Variants in GRAMD1B observed in about 807,000 individuals in gnomAD.
GRAMD1B encodes protein Aster-B.
In GRAMD1B, 37 loss-of-function variants were observed where a neutral mutation model predicts 99.7. That is an observed-to-expected ratio of 0.37 (90% CI 0.29 to 0.49). The LOEUF is 0.49. Among genes scored for constraint, GRAMD1B ranks in the 20% least tolerant of loss-of-function variants. The probability of loss-of-function intolerance (pLI) is 0.98; values close to 1 mark genes in which losing one functional copy is unlikely to be tolerated. For synonymous variants in GRAMD1B, 427 were observed against 387.6 expected (o/e 1.10, Z -1.19); for missense variants, 888 against 1,009.2 (o/e 0.88, Z 1.63).
intron 1 of GRAMD1B, among the ~76,000 whole-genome samples, chr11:123,364,378 G>T (rs1427708863): frequency 1.3e-5 from 2 of 152,250 alleles, no homozygotes; most frequent in Admixed American, 6.5e-5. Context: ...CGCAGGGAGC[G>T]ATTGAGAGCA....
At position 123,623,472 on chromosome 11, in the gene GRAMD1B, G is replaced by T. The variant is rs928999776; in HGVS notation, c.*877G>T. On this transcript the variant is annotated 3_prime_UTR_variant, in exon 20 of 20. Transcript: ENST00000635736. ...TCGACCTTATTAAACCTCTTTTAGTGCTTCTAAGCAAGTCAGGTCTGTGGC... is the reference window on the plus strand; with the variant it reads ...TCGACCTTATTAAACCTCTTTTAGTTCTTCTAAGCAAGTCAGGTCTGTGGC... 1.3e-5 allele frequency: 2 copies of T among 152,198 alleles called. No individual in the cohort carries two copies. Among genetic ancestry groups the T allele is most frequent in the Admixed American group, 6.5e-5 (1 of 15,282 alleles). The allele number at this position is 152,198 out of a possible 1,614,324, so 9.4% of individuals were successfully genotyped here. A position where few individuals can be genotyped will look rare whatever the true frequency, so the allele number is the denominator to read the frequency against.
At chr11:123,383,089 T>C (rs923055596) in intron 1 of GRAMD1B, among the ~76,000 whole-genome samples, 1 of 152,160 alleles carries the variant, frequency 6.6e-6, no homozygotes, top group Non-Finnish European at 1.5e-5. Context: ...GCAGAGTGGA[T>C]CCAGAGTTGA....
chr11:123,486,798 G>T (rs1490435626), intron 2 of GRAMD1B, among the ~76,000 whole-genome samples: 1 of 152,204 alleles, frequency 6.6e-6, no homozygotes, highest in Non-Finnish European at 1.5e-5. Flanking sequence ...AGCTGGGTGT[G>T]GTGGCTCATG....
intron 9 of GRAMD1B, among the ~76,000 whole-genome samples, chr11:123,605,078 G>T: frequency 7.4e-6 from 1 of 135,022 alleles, no homozygotes; most frequent in Non-Finnish European, 1.6e-5. Flanking sequence ...GGCTGCCTAG[G>T]AAAGGTGAGT....
chr11:123,552,361 G>A (rs1411153030), intron 2 of GRAMD1B, among the ~76,000 whole-genome samples: 1 of 147,100 alleles, frequency 6.8e-6, no homozygotes, highest in African/African-American at 2.5e-5. Context: ...GCAGAATCTC[G>A]GCTCACTGCA....
chr11:123,605,969 G>T (rs1306708532), intron 10 of GRAMD1B, among the ~76,000 whole-genome samples: 1 of 152,192 alleles, frequency 6.6e-6, no homozygotes, highest in Non-Finnish European at 1.5e-5. Context: ...TGTCCTGTGG[G>T]ACTCTGTTAA....
intron 2 of GRAMD1B, among the ~76,000 whole-genome samples, chr11:123,552,521 G>T (rs1275256836): frequency 6.6e-6 from 1 of 151,848 alleles, no homozygotes; most frequent in Non-Finnish European, 1.5e-5. Flanking sequence ...AAAATGCTGG[G>T]ATTACAGGTG....
intron 3 of GRAMD1B, chr11:123,578,355 TCTC>T: frequency 7.2e-7 from 1 of 1,396,146 alleles, no homozygotes; most frequent in Non-Finnish European, 9.8e-7. Context: ...TTGTTCTTCC[TCTC>T]CTCTTCTTCC....
At chr11:123,432,159 G>A (rs576756701) in intron 1 of GRAMD1B, 23 of 398,156 alleles carry the variant, frequency 5.8e-5, no homozygotes, top group African/African-American at 4.5e-4. Flanking sequence ...TGTGAGCTCA[G>A]TCTAGTAACA....
At position 123,459,191 on chromosome 11, in the gene GRAMD1B, A is replaced by T. The variant is rs538322614; in HGVS notation, c.375-21625A>T. On this transcript the variant is annotated intron_variant, in intron 1 of 19. Transcript: ENST00000635736. ...GATTGGGGTATTTGATTGCAAAGAA[A>T]TAAGACACTTCTATATATTTTTTTT... is the stretch of plus-strand genomic sequence containing the variant. The T allele has an allele frequency of 4.0e-5, 6 of 151,288 alleles. No individual in the cohort carries two copies. In the South Asian group the frequency reaches 1.3e-3, roughly 32 times the overall value. 9.4% of individuals were successfully genotyped at this position (151,288 alleles called of 1,614,324 possible).
chr11:123,600,081 A>G (rs529210781), intron 7 of GRAMD1B, among the ~76,000 whole-genome samples: 3 of 152,336 alleles, frequency 2.0e-5, no homozygotes, highest in African/African-American at 7.2e-5. Flanking sequence ...GAATGAATGA[A>G]ATAGGTCGGC....
chr11:123,424,368 G>A (rs952527668), intron 1 of GRAMD1B, among the ~76,000 whole-genome samples: 12 of 152,060 alleles, frequency 7.9e-5, no homozygotes, highest in Middle Eastern at 3.4e-3. Context: ...GTGGTGGCTC[G>A]CACCTGTAAT....
chr11:123,470,498 C>G (rs1013490459), intron 1 of GRAMD1B, among the ~76,000 whole-genome samples: 1 of 129,154 alleles, frequency 7.7e-6, no homozygotes, highest in Admixed American at 8.4e-5. Context: ...TCACATTTTT[C>G]TTTCTTTCTT....
At chr11:123,416,209 C>T (rs1418666406) in intron 1 of GRAMD1B, among the ~76,000 whole-genome samples, 1 of 152,142 alleles carries the variant, frequency 6.6e-6, no homozygotes, top group East Asian at 1.9e-4. Context: ...GTTGCTTCTC[C>T]TGTAATGAAA....
chr11:123,518,613 C>CT (rs1941903299), intron 2 of GRAMD1B, among the ~76,000 whole-genome samples: 3 of 152,158 alleles, frequency 2.0e-5, no homozygotes, highest in African/African-American at 7.2e-5. Context: ...GAGCGGCTAG[C>CT]AATGGCAGTA....
chr11:123,405,860 C>T (rs1347422030), intron 1 of GRAMD1B, among the ~76,000 whole-genome samples: 1 of 152,122 alleles, frequency 6.6e-6, no homozygotes, highest in Non-Finnish European at 1.5e-5. Flanking sequence ...ATATACTGTA[C>T]ATCAGACCAG....
At chr11:123,488,071 G>A (rs535582268) in intron 2 of GRAMD1B, among the ~76,000 whole-genome samples, 1 of 152,302 alleles carries the variant, frequency 6.6e-6, no homozygotes, top group Admixed American at 6.5e-5. Flanking sequence ...GTGAGGTCCT[G>A]TTTTCTTCAT....
At chr11:123,390,240 C>T (rs1471386212) in intron 1 of GRAMD1B, among the ~76,000 whole-genome samples, 1 of 151,702 alleles carries the variant, frequency 6.6e-6, no homozygotes. Context: ...AAAAACACTA[C>T]CCAAACATGA....
chr11:123,560,069 C>CA (rs1438569596), intron 2 of GRAMD1B, among the ~76,000 whole-genome samples: 7 of 148,828 alleles, frequency 4.7e-5, no homozygotes, highest in African/African-American at 1.8e-4. Flanking sequence ...GAAATAACCC[C>CA]CCCCCCCGCA....
Sources: allele counts gnomAD v4.1 joint callset (sites outside exome capture counted in the v4.1 genomes callset), GRCh38; gene constraint gnomAD v4.1.1; transcripts MANE v1.5; gene names NCBI Gene and HGNC (gene_info 2026-07-23, HGNC 2026-07-21).